Variants in TMEM232 observed in about 807,000 individuals in gnomAD.
The protein encoded by TMEM232 is transmembrane protein 232.
TMEM232 carries 80 observed loss-of-function variants against 78.8 expected under a neutral mutation model. The observed-to-expected ratio is 1.01, with a 90% CI of 0.85 to 1.22. TMEM232 has a LOEUF of 1.22. TMEM232 is among the 50% of genes most tolerant of loss of function. TMEM232 has a pLI of 0.00. For synonymous variants in TMEM232, 297 were observed against 254.3 expected (o/e 1.17, Z -1.60); for missense variants, 881 against 742.2 (o/e 1.19, Z -2.17).
chr5:110,575,242 A>G (rs1384616760), intron 10 of TMEM232, among the ~76,000 whole-genome samples: 1 of 152,086 alleles, frequency 6.6e-6, no homozygotes, highest in Admixed American at 6.6e-5. Context: ...ATTATTGATC[A>G]TTACATATAT....
intron 12 of TMEM232, among the ~76,000 whole-genome samples, chr5:110,427,771 T>C (rs1347426847): frequency 6.6e-6 from 1 of 151,924 alleles, no homozygotes; most frequent in African/African-American, 2.4e-5. Flanking sequence ...TGTCTCTGTC[T>C]CCACGTGGCT....
intron 12 of TMEM232, among the ~76,000 whole-genome samples, chr5:110,431,147 C>T (rs1029336947): frequency 6.6e-6 from 1 of 151,506 alleles, no homozygotes; most frequent in African/African-American, 2.4e-5. Context: ...GCACCACACA[C>T]ACCACTAAGT....
Position 110,528,706 on chromosome 5 carries a change from GA to G in TMEM232, c.1584del (p.Ile531LeufsTer8), listed in dbSNP as rs1176932794. On this transcript the variant is annotated frameshift_variant, in exon 12 of 14. Transcript: ENST00000455884. LOFTEE classifies it high-confidence loss of function. Reference protein sequence around the residue: ...RIANTLSKLFFPPIEAHFLPL... With the variant: ...RIANTLSKLFXPPIEAHFLPL... ...GGAAGAAAATGGGCCTCAATGGGGG[GA>G]AAGAATAGTTTGGAAAGAGTGTTGG... is the stretch of plus-strand genomic sequence containing the variant. 1.3e-6 allele frequency: 2 copies of G among 1,534,738 alleles called. No homozygotes were observed. Among genetic ancestry groups the G allele is most frequent in the African/African-American group, 1.4e-5 (1 of 72,984 alleles).
chr5:110,704,075 G>T (rs891625742), intron 1 of TMEM232, among the ~76,000 whole-genome samples: 1 of 151,956 alleles, frequency 6.6e-6, no homozygotes, highest in African/African-American at 2.4e-5. Flanking sequence ...TTTCTGTCAA[G>T]GCTTAACCAA....
intron 12 of TMEM232, among the ~76,000 whole-genome samples, chr5:110,525,314 C>A (rs1391044210): frequency 6.6e-6 from 1 of 151,792 alleles, no homozygotes; most frequent in African/African-American, 2.4e-5. Context: ...AATTGTGAAT[C>A]TAGAAAACTT....
intron 10 of TMEM232, among the ~76,000 whole-genome samples, chr5:110,598,643 A>C (rs2149800676): frequency 6.6e-6 from 1 of 152,230 alleles, no homozygotes; most frequent in South Asian, 2.1e-4. Flanking sequence ...TGGATTAAGA[A>C]AATGTGGCAC....
chr5:110,425,658 C>T (rs1298741034), intron 12 of TMEM232, among the ~76,000 whole-genome samples: 1 of 151,988 alleles, frequency 6.6e-6, no homozygotes, highest in African/African-American at 2.4e-5. Context: ...TCATCAGGTT[C>T]TGTTTGTCTA....
chr5:110,629,736 TG>T (rs1784878923), intron 5 of TMEM232, among the ~76,000 whole-genome samples: 1 of 152,158 alleles, frequency 6.6e-6, no homozygotes, highest in South Asian at 2.1e-4. Context: ...AATAGTTATA[TG>T]TTTTTGGTTC....
intron 12 of TMEM232, among the ~76,000 whole-genome samples, chr5:110,484,617 A>G (rs1409136055): frequency 2.0e-5 from 3 of 152,134 alleles, no homozygotes; most frequent in Non-Finnish European, 4.4e-5. Flanking sequence ...CGAAAGTAAA[A>G]AGATAAAATA....
chr5:110,679,573 T>C (rs143913047), intron 1 of TMEM232, among the ~76,000 whole-genome samples: 1 of 152,278 alleles, frequency 6.6e-6, no homozygotes, highest in East Asian at 1.9e-4. Context: ...GTATTTGGTG[T>C]CATATCTAAA....
At chr5:110,467,445 G>C (rs898925803) in intron 12 of TMEM232, among the ~76,000 whole-genome samples, 28 of 152,292 alleles carry the variant, frequency 1.8e-4, no homozygotes, top group African/African-American at 6.5e-4. Flanking sequence ...TCTTTGAAGA[G>C]TTCTTTCAAA....
intron 10 of TMEM232, among the ~76,000 whole-genome samples, chr5:110,570,414 A>G (rs1162828379): frequency 6.6e-6 from 1 of 151,978 alleles, no homozygotes; most frequent in Non-Finnish European, 1.5e-5. Flanking sequence ...ATCTTCAAGT[A>G]ATTGGCAAGT....
chr5:110,737,096 A>G (rs1799256618), intron 1 of TMEM232, among the ~76,000 whole-genome samples: 1 of 151,782 alleles, frequency 6.6e-6, no homozygotes, highest in Admixed American at 6.6e-5. Flanking sequence ...TTGACAGGAT[A>G]TATTTATCTG....
At chr5:110,670,130 A>G (rs1288733069) in intron 1 of TMEM232, among the ~76,000 whole-genome samples, 1 of 152,228 alleles carries the variant, frequency 6.6e-6, no homozygotes, top group Non-Finnish European at 1.5e-5. Context: ...AGTTCTGGCC[A>G]GGGCAATTAG....
At chr5:110,415,539 C>G (rs1393018507), downstream of TMEM232, among the ~76,000 whole-genome samples, 1 of 151,598 alleles carries the variant, frequency 6.6e-6, no homozygotes, top group Admixed American at 6.6e-5. Context: ...TAGATTGAGT[C>G]TTTCCTTCCT....
At chr5:110,390,485 A>C (rs933822849) in exon 4 of TMEM232, 1 of 152,166 alleles carries the variant, frequency 6.6e-6, no homozygotes, top group African/African-American at 2.4e-5. Flanking sequence ...TGAGTCCAAC[A>C]CATCAGAGGC....
chr5:110,476,895 C>T (rs1763315470), intron 12 of TMEM232, among the ~76,000 whole-genome samples: 1 of 151,860 alleles, frequency 6.6e-6, no homozygotes, highest in Non-Finnish European at 1.5e-5. Flanking sequence ...TTTCTTGGCC[C>T]TTATAACACC....
intron 12 of TMEM232, among the ~76,000 whole-genome samples, chr5:110,464,832 G>GTATCTATC (rs767315310): frequency 6.6e-6 from 1 of 152,002 alleles, no homozygotes; most frequent in Non-Finnish European, 1.5e-5. Context: ...ATCTATCTGT[G>GTATCTATC]TATCTATCTA....
At chr5:110,493,681 C>T (rs1765347653) in intron 12 of TMEM232, among the ~76,000 whole-genome samples, 1 of 151,920 alleles carries the variant, frequency 6.6e-6, no homozygotes, top group Non-Finnish European at 1.5e-5. Context: ...CTTTTAATGG[C>T]TTAAATATGA....
Sources: gnomAD v4.1 joint callset for allele counts (sites outside exome capture counted in the v4.1 genomes callset) on GRCh38, gnomAD v4.1.1 for gene constraint, MANE v1.5 for transcripts, NCBI Gene and HGNC (gene_info 2026-07-23, HGNC 2026-07-21) for gene names.